The following NR3C2 variants were observed in gnomAD, a reference collection of about 807,000 sequenced individuals.
The protein encoded by NR3C2 is mineralocorticoid receptor.
Under a neutral mutation model 86.4 loss-of-function variants are expected in NR3C2, and 15 were observed. The ratio of observed to expected loss-of-function variants is 0.17; its 90% CI spans 0.12 to 0.27. The LOEUF is 0.27. Ranked by LOEUF, NR3C2 falls within the 10% of genes least tolerant of loss-of-function variation. The pLI is 1.00. For missense variants in NR3C2, 960 were observed against 1,195.6 expected, an observed-to-expected ratio of 0.80 and a Z score of 2.91; for synonymous variants, 458 against 450.5, an observed-to-expected ratio of 1.02 and a Z score of -0.21.
chr4:148,188,451 TTAGGTATATTCC>T (rs1022030299), intron 4 of NR3C2, among the ~76,000 whole-genome samples: 28 of 152,332 alleles, frequency 1.8e-4, no homozygotes, highest in African/African-American at 6.5e-4. Flanking sequence ...GACTCCTTTC[TTAGGTATATTCC>T]TACACATTTG....
intron 2 of NR3C2, among the ~76,000 whole-genome samples, chr4:148,411,232 C>T (rs536959717): frequency 1.3e-5 from 2 of 149,484 alleles, no homozygotes; most frequent in South Asian, 4.4e-4. Context: ...AGCAAATCAT[C>T]CTGGCTATAA....
chr4:148,375,082 A>G (rs1447254227), intron 2 of NR3C2, among the ~76,000 whole-genome samples: 1 of 152,206 alleles, frequency 6.6e-6, no homozygotes, highest in Non-Finnish European at 1.5e-5. Flanking sequence ...TCTTATTTTG[A>G]TGTTTTGAAA....
intron 2 of NR3C2, among the ~76,000 whole-genome samples, chr4:148,411,038 T>C (rs1748675688): frequency 6.6e-6 from 1 of 152,190 alleles, no homozygotes; most frequent in African/African-American, 2.4e-5. Flanking sequence ...TAAATTGCAG[T>C]TTCTTGCTAT....
chr4:148,443,436 G>A (rs765533946), upstream of NR3C2, among the ~76,000 whole-genome samples: 1 of 151,906 alleles, frequency 6.6e-6, no homozygotes, highest in Non-Finnish European at 1.5e-5. Context: ...GGTCACATAA[G>A]TGGGAGAAAC....
chr4:148,443,964 C>G, upstream of NR3C2: 2 of 981,788 alleles, frequency 2.0e-6, no homozygotes, highest in Non-Finnish European at 2.4e-6. Context: ...TGACCCCAGA[C>G]TCTAATGCCC....
At chr4:148,211,257 T>C (rs1048067103) in intron 3 of NR3C2, among the ~76,000 whole-genome samples, 1 of 152,182 alleles carries the variant, frequency 6.6e-6, no homozygotes, top group African/African-American at 2.4e-5. Flanking sequence ...AGGAGATAAA[T>C]AAAACCCGAA....
At chr4:148,289,146 A>T (rs73855946) in intron 2 of NR3C2, among the ~76,000 whole-genome samples, 6,003 of 152,148 alleles carry the variant, frequency 0.039, 374 homozygotes, top group African/African-American at 0.13. Context: ...AATAATTGTT[A>T]ATTTTCTTAG....
Position 148,211,727 on chromosome 4 carries a change from T to C in NR3C2, c.1898-16865A>G, listed in dbSNP as rs1372138531. Among the ~76,000 whole-genome samples the C allele has an allele frequency of 2.8e-4, 6 of 21,154 alleles. No homozygotes were observed. The Admixed American group carries it at 3.6e-3, about 13-fold the overall frequency. The allele number at this position is 21,154 out of a possible 152,430, so 13.9% of individuals were successfully genotyped here. On this transcript the variant is annotated intron_variant, in intron 3 of 8. Transcript: ENST00000358102. ...CAAAATACAGCTTGCAGGCCAAAAATAGCCTAGTTTTCCCAGCCTCTGCAT... is the reference window on the plus strand; with the variant it reads ...CAAAATACAGCTTGCAGGCCAAAAACAGCCTAGTTTTCCCAGCCTCTGCAT...
At chr4:148,187,419 T>G (rs188303571) in intron 4 of NR3C2, among the ~76,000 whole-genome samples, 50 of 152,254 alleles carry the variant, frequency 3.3e-4, no homozygotes, top group Non-Finnish European at 5.4e-4. Context: ...GAGGTGGTAT[T>G]GCATTTTGGT....
chr4:148,132,743 G>T (rs1733094155), intron 6 of NR3C2, among the ~76,000 whole-genome samples: 1 of 152,152 alleles, frequency 6.6e-6, no homozygotes. Flanking sequence ...CAGCATTCTA[G>T]GATTTGAATC....
intron 2 of NR3C2, among the ~76,000 whole-genome samples, chr4:148,293,591 A>G (rs1368615634): frequency 3.3e-5 from 5 of 152,180 alleles, no homozygotes; most frequent in East Asian, 1.9e-4. Context: ...TTTTCTTACA[A>G]TCACAACTGG....
intron 3 of NR3C2, among the ~76,000 whole-genome samples, chr4:148,207,583 G>C (rs1737069843): frequency 6.6e-6 from 1 of 152,054 alleles, no homozygotes; most frequent in South Asian, 2.1e-4. Context: ...TGGGCTTTAG[G>C]GTCAGATGCA....
At chr4:148,100,487 T>G (rs1412902100) in intron 8 of NR3C2, among the ~76,000 whole-genome samples, 5 of 152,120 alleles carry the variant, frequency 3.3e-5, no homozygotes, top group Non-Finnish European at 7.4e-5. Flanking sequence ...ACATCACTAA[T>G]CAGGGAAATG....
chr4:148,304,352 T>TTTTTTTA (rs141707087), intron 2 of NR3C2, among the ~76,000 whole-genome samples: 2 of 130,034 alleles, frequency 1.5e-5, no homozygotes, highest in Non-Finnish European at 3.2e-5. Flanking sequence ...TTTTTTTTTT[T>TTTTTTTA]AACCAGTTGG....
intron 7 of NR3C2, among the ~76,000 whole-genome samples, chr4:148,117,821 T>C (rs1357560298): frequency 6.6e-6 from 1 of 152,148 alleles, no homozygotes; most frequent in Admixed American, 6.5e-5. Context: ...TTTCTCCAAA[T>C]GACTTTACTG....
At chr4:148,168,820 C>G (rs996606163) in intron 4 of NR3C2, among the ~76,000 whole-genome samples, 3 of 152,116 alleles carry the variant, frequency 2.0e-5, no homozygotes, top group Non-Finnish European at 4.4e-5. Flanking sequence ...CTCTTGGTGG[C>G]CAGCTCCTTA....
intron 4 of NR3C2, among the ~76,000 whole-genome samples, chr4:148,159,686 T>C (rs187821466): frequency 1.3e-5 from 2 of 152,350 alleles, no homozygotes; most frequent in African/African-American, 4.8e-5. Context: ...TTCTAAACCT[T>C]TTCTCTTTAT....
Position 148,292,510 on chromosome 4 carries a change from C to G in NR3C2, c.1758-32393G>C, listed in dbSNP as rs1021476023. On this transcript the variant is annotated intron_variant, in intron 2 of 8. Transcript: ENST00000358102. ...AGAAAAATTCTAATATTTTATACAA[C>G]ATTTTGCTAACAATTTATACAGTTA... Among the ~76,000 whole-genome samples, 5 of 151,956 alleles carry G rather than the reference C, an allele frequency of 3.3e-5. No homozygotes were observed. In the East Asian group the frequency reaches 5.8e-4, roughly 18 times the overall value.
chr4:148,151,345 A>G (rs1734094426), intron 6 of NR3C2, among the ~76,000 whole-genome samples: 1 of 152,190 alleles, frequency 6.6e-6, no homozygotes, highest in African/African-American at 2.4e-5. Flanking sequence ...CTTACTATTC[A>G]ATAATATCAA....
Sources: allele counts gnomAD v4.1 joint callset (sites outside exome capture counted in the v4.1 genomes callset), GRCh38; gene constraint gnomAD v4.1.1; transcripts MANE v1.5; gene names NCBI Gene and HGNC (gene_info 2026-07-23, HGNC 2026-07-21).